The following CCR3 variants were observed in gnomAD, a reference collection of about 807,000 sequenced individuals.
CCR3 encodes C-C motif chemokine receptor 3.
For missense variants in CCR3, 419 were observed against 437.5 expected, an observed-to-expected ratio of 0.96 and a Z score of 0.38; for synonymous variants, 203 against 179.2, an observed-to-expected ratio of 1.13 and a Z score of -1.06.
At chr3:46,256,728 A>G (rs1270482260) in intron 1 of CCR3, among the ~76,000 whole-genome samples, 1 of 152,172 alleles carries the variant, frequency 6.6e-6, no homozygotes, top group Non-Finnish European at 1.5e-5. Flanking sequence ...GCATATCACT[A>G]TAGTTAATAA....
At chr3:46,228,880 AT>A (rs1699931999) in intron 2 of CCR3, among the ~76,000 whole-genome samples, 1 of 152,054 alleles carries the variant, frequency 6.6e-6, no homozygotes, top group South Asian at 2.1e-4. Context: ...GTTCTTTCTC[AT>A]GTTACATCTG....
intron 2 of CCR3, among the ~76,000 whole-genome samples, chr3:46,236,161 C>T (rs1008142841): frequency 1.1e-4 from 16 of 152,126 alleles, no homozygotes; most frequent in Admixed American, 7.2e-4. Flanking sequence ...GTGGTACCAA[C>T]GGGAACTGCC....
At chr3:46,238,930 T>C (rs990823762), upstream of CCR3, among the ~76,000 whole-genome samples, 4 of 152,178 alleles carry the variant, frequency 2.6e-5, no homozygotes, top group African/African-American at 9.7e-5. Context: ...AGCGGTTGCC[T>C]GGGACAGGGG....
chr3:46,224,548 C>G (rs1306917131), intron 2 of CCR3, among the ~76,000 whole-genome samples: 2 of 151,828 alleles, frequency 1.3e-5, no homozygotes, highest in Admixed American at 6.6e-5. Flanking sequence ...GATATCCTGG[C>G]CAACATGGTG....
At chr3:46,226,112 A>G (rs1699892439) in intron 2 of CCR3, among the ~76,000 whole-genome samples, 1 of 152,106 alleles carries the variant, frequency 6.6e-6, no homozygotes, top group African/African-American at 2.4e-5. Context: ...CAGGTAAGTG[A>G]TTCCTCTCAC....
chr3:46,259,008 C>G lies in CCR3; in HGVS notation c.-11-6140C>G, dbSNP rs556784384. Among the ~76,000 whole-genome samples the G allele has an allele frequency of 2.4e-4, 36 of 152,284 alleles. No homozygotes were observed. The Middle Eastern group carries it at 0.01, about 43-fold the overall frequency. On this transcript the variant is annotated intron_variant, in intron 1 of 1. Coordinates refer to ENST00000395940, the MANE Select transcript of CCR3 (RefSeq NM_178329.3). ...CATTTTAAAAAATATGGCTGTTTCA[C>G]TCTAATAGATTTTCTTGGCTTGCAG... is the stretch of plus-strand genomic sequence containing the variant.
In CCR3 at chr3:46,266,226, G is replaced by T. The variant is rs1700632596; in HGVS notation, c.1068G>T (p.Ter356TyrextTer15). 1 of 1,596,572 alleles carries T rather than the reference G, an allele frequency of 6.3e-7. No individual in the cohort carries two copies. Among genetic ancestry groups the T allele is most frequent in the Non-Finnish European group, 8.6e-7 (1 of 1,167,572 alleles). The change falls in exon 2 of 2, where the codon TAG (stop) becomes TAT (tyrosine). Residue 356 changes from the stop codon to tyrosine, a stop_lost. Coordinates refer to ENST00000395940, the MANE Select transcript of CCR3 (RefSeq NM_178329.3). ...AGCCGGAACTCTCTATTGTGTTTTA[G>T]GTCAGATGCAGAAAATTGCCTAAAG... ...TAEPELSIVF[*>Y]
Position 46,266,528 on chromosome 3 carries a change from G to A in CCR3, c.*302G>A, listed in dbSNP as rs200473118. The A allele has an allele frequency of 5.0e-5, 14 of 282,794 alleles. No homozygotes were observed. Among genetic ancestry groups the A allele is most frequent in the African/African-American group, 2.0e-4 (9 of 45,448 alleles). 17.5% of individuals were successfully genotyped at this position (282,794 alleles called of 1,614,324 possible). On this transcript the variant is annotated 3_prime_UTR_variant, in exon 2 of 2. Coordinates refer to ENST00000395940, the MANE Select transcript of CCR3 (RefSeq NM_178329.3). ...GAATGTTAGATAGTTACTATATGCC[G>A]CTACAAAAAGGTAAAACTTTTTATA...
rs181324580 is a variant in CCR3 at position 46,219,360 on chromosome 3, C to T, written c.-68+8453C>T. On this transcript the variant is annotated intron_variant, in intron 2 of 3. Transcript: ENST00000357422. ...TGACACAAACAAATAGAAACACATC[C>T]CATGCTCACGGACAGGTAGAATCAA... Among the ~76,000 whole-genome samples the T allele has an allele frequency of 5.6e-4, 85 of 152,214 alleles. No homozygotes were observed. In the East Asian group the frequency reaches 8.3e-3, roughly 15 times the overall value.
chr3:46,219,747 C>G (rs545569029), intron 2 of CCR3, among the ~76,000 whole-genome samples: 141 of 152,260 alleles, frequency 9.3e-4, no homozygotes, highest in African/African-American at 3.3e-3. Flanking sequence ...GGAAAGGACA[C>G]CCTTTCCAAC....
chr3:46,239,633 C>T (rs1320183511), upstream of CCR3, among the ~76,000 whole-genome samples: 1 of 152,178 alleles, frequency 6.6e-6, no homozygotes, highest in Non-Finnish European at 1.5e-5. Context: ...TTCCACTCCA[C>T]CATTTAGTCA....
At chr3:46,234,720 A>G (rs946744894) in intron 2 of CCR3, among the ~76,000 whole-genome samples, 8 of 152,230 alleles carry the variant, frequency 5.3e-5, no homozygotes, top group Non-Finnish European at 8.8e-5. Flanking sequence ...ATTCCTGTCG[A>G]TAATTTATCC....
chr3:46,244,452 G>A (rs970493380), intron 1 of CCR3, among the ~76,000 whole-genome samples: 2 of 152,150 alleles, frequency 1.3e-5, no homozygotes, highest in African/African-American at 4.8e-5. Context: ...GTGCAGGCAG[G>A]CTGAGTCCGA....
At chr3:46,221,621 C>T (rs956122322) in intron 2 of CCR3, among the ~76,000 whole-genome samples, 1 of 152,200 alleles carries the variant, frequency 6.6e-6, no homozygotes, top group Non-Finnish European at 1.5e-5. Context: ...TTGCACTTCC[C>T]TTTTCTAGAC....
At position 46,264,100 on chromosome 3, in the gene CCR3, G is replaced by A. The variant is rs192561432; in HGVS notation, c.-11-1048G>A. 15 of 320,728 alleles carry A rather than the reference G, an allele frequency of 4.7e-5. No homozygotes were observed. In the East Asian group the frequency reaches 7.9e-4, roughly 17 times the overall value. The allele number at this position is 320,728 out of a possible 1,614,324, so 19.9% of individuals were successfully genotyped here. A position where few individuals can be genotyped will look rare whatever the true frequency, so the allele number is the denominator to read the frequency against. ...TTTTCTATTTTCCTCCTTTTCCACC[G>A]AAGTCTATAATCTCAAGAAAAGCAG... On this transcript the variant is annotated intron_variant, in intron 1 of 1. Coordinates refer to ENST00000395940, the MANE Select transcript of CCR3 (RefSeq NM_178329.3).
At chr3:46,242,998 T>TACACAC (rs1559531046) in intron 1 of CCR3, among the ~76,000 whole-genome samples, 4 of 120,256 alleles carry the variant, frequency 3.3e-5, no homozygotes, top group African/African-American at 1.2e-4. Flanking sequence ...TATATATATA[T>TACACAC]ATATACGCAC....
intron 2 of CCR3, among the ~76,000 whole-genome samples, chr3:46,217,216 G>C (rs1221031660): frequency 6.6e-6 from 1 of 152,078 alleles, no homozygotes; most frequent in Non-Finnish European, 1.5e-5. Flanking sequence ...AAAAGACAAA[G>C]AGAAACATTA....
In CCR3 at chr3:46,266,042, G is replaced by T. The variant is rs1700626078; in HGVS notation, c.884G>T (p.Cys295Phe). The change falls in exon 2 of 2, where the codon TGC (cysteine) becomes TTC (phenylalanine). Residue 295 changes from cysteine to phenylalanine, a missense_variant. By Grantham distance (205) the Cys-to-Phe change is radical (BLOSUM62 -2). Transcript: ENST00000395940. ...VTEVIAYSHC[C>F]MNPVIYAFVG... ...GAGGTGATCGCCTACTCCCACTGCT[G>T]CATGAACCCGGTGATCTACGCCTTT... The T allele has an allele frequency of 6.2e-7, 1 of 1,614,034 alleles. No individual in the cohort carries two copies. Among genetic ancestry groups the T allele is most frequent in the Non-Finnish European group, 8.5e-7 (1 of 1,180,016 alleles).
chr3:46,225,621 A>G (rs1407285058), intron 2 of CCR3, among the ~76,000 whole-genome samples: 1 of 152,184 alleles, frequency 6.6e-6, no homozygotes, highest in Non-Finnish European at 1.5e-5. Flanking sequence ...GGTATGTAGT[A>G]ACATCTCATG....
Sources: gnomAD v4.1 joint callset for allele counts (sites outside exome capture counted in the v4.1 genomes callset) on GRCh38, gnomAD v4.1.1 for gene constraint, MANE v1.5 for transcripts, NCBI Gene and HGNC (gene_info 2026-07-23, HGNC 2026-07-21) for gene names.